Variants in SYNE2 observed in about 807,000 individuals in gnomAD.
SYNE2 encodes the protein nesprin-2.
A neutral mutation model predicts 856.3 loss-of-function variants in SYNE2; 431 were observed. The ratio of observed to expected loss-of-function variants is 0.50; its 90% CI spans 0.47 to 0.55. The LOEUF is 0.55. SYNE2 is among the 20% of genes least tolerant of loss of function. SYNE2 has a pLI of 0.00. For synonymous variants in SYNE2, 2,923 were observed against 2,872.3 expected (o/e 1.02, Z -0.56); for missense variants, 8,129 against 8,023.2 (o/e 1.01, Z -0.50).
chr14:63,798,831 A>T (rs1301241079), intron 1 of SYNE2, among the ~76,000 whole-genome samples: 1 of 152,162 alleles, frequency 6.6e-6, no homozygotes, highest in Non-Finnish European at 1.5e-5. Context: ...CTACTGTCAA[A>T]ACAATTCATG....
At chr14:63,888,503 G>C (rs1030931795) in intron 1 of SYNE2, among the ~76,000 whole-genome samples, 2 of 152,134 alleles carry the variant, frequency 1.3e-5, no homozygotes, top group African/African-American at 4.8e-5. Flanking sequence ...TAGCCTCATA[G>C]TATCACTTGC....
intron 6 of SYNE2, among the ~76,000 whole-genome samples, chr14:63,949,592 G>C (rs1339376292): frequency 6.6e-6 from 1 of 152,124 alleles, no homozygotes; most frequent in Admixed American, 6.5e-5. Context: ...CCTCAATGTG[G>C]GACAGCATGC....
intron 96 of SYNE2, among the ~76,000 whole-genome samples, chr14:64,183,354 G>A (rs1362412986): frequency 1.3e-5 from 2 of 151,182 alleles, no homozygotes; most frequent in African/African-American, 4.9e-5. Flanking sequence ...CATCTCAGAC[G>A]ATGGGCGGCC....
chr14:64,101,371 A>G (rs1434839246), intron 63 of SYNE2, among the ~76,000 whole-genome samples: 5 of 152,134 alleles, frequency 3.3e-5, no homozygotes, highest in Non-Finnish European at 7.3e-5. Context: ...TTCCCTGGTG[A>G]TTAGTGAGGT....
At chr14:63,969,335 ATTTTTTTTTT>A (rs150514197) in intron 11 of SYNE2, among the ~76,000 whole-genome samples, 2 of 81,644 alleles carry the variant, frequency 2.4e-5, no homozygotes, top group South Asian at 4.6e-4. Flanking sequence ...TGCCTGGCTA[ATTTTTTTTTT>A]TTTTTTTTTT....
intron 1 of SYNE2, among the ~76,000 whole-genome samples, chr14:63,888,572 G>A (rs1050929023): frequency 2.0e-5 from 3 of 152,146 alleles, no homozygotes; most frequent in African/African-American, 4.8e-5. Context: ...GACAATGGCC[G>A]GGAATCAAGT....
Position 64,098,092 on chromosome 14 carries a change from A to G in SYNE2, c.12252A>G (p.Pro4084=). Residue 4084 remains proline (P), a synonymous_variant, in exon 62 of 116, where the codon CCA becomes CCG. Transcript: ENST00000555002. Reference sequence around the variant, plus strand: ...AAGGAGTAGAAAGAGATAGGCTGCCAGCTGTAACATCAGAGGAAGGTGGAG... The same window carrying G: ...AAGGAGTAGAAAGAGATAGGCTGCCGGCTGTAACATCAGAGGAAGGTGGAG... ...EQEGVERDRL[P]AVTSEEGGVA... is the part of the protein sequence containing the mutation. 1 of 1,614,204 alleles carries G rather than the reference A, an allele frequency of 6.2e-7. No individual in the cohort carries two copies.
chr14:64,088,996 T>C (rs1447910449), intron 58 of SYNE2, among the ~76,000 whole-genome samples: 1 of 152,218 alleles, frequency 6.6e-6, no homozygotes, highest in African/African-American at 2.4e-5. Context: ...GTCCATGTAA[T>C]TTAACTTTTC....
upstream of SYNE2, among the ~76,000 whole-genome samples, chr14:63,849,731 G>A (rs534211644): frequency 5.9e-5 from 9 of 152,304 alleles, no homozygotes; most frequent in Non-Finnish European, 8.8e-5. Context: ...ACAGGGAGGA[G>A]TTGCTGCCTA....
At chr14:64,174,549 C>T (rs995788077) in intron 94 of SYNE2, among the ~76,000 whole-genome samples, 2 of 152,174 alleles carry the variant, frequency 1.3e-5, no homozygotes, top group Non-Finnish European at 2.9e-5. Flanking sequence ...TTTCCTTTTA[C>T]ATTTGTTTAG....
intron 1 of SYNE2, among the ~76,000 whole-genome samples, chr14:63,870,898 T>G (rs1474553323): frequency 6.6e-6 from 1 of 152,234 alleles, no homozygotes; most frequent in Non-Finnish European, 1.5e-5. Flanking sequence ...GGTTCTGCTC[T>G]AGTCCAGGGG....
At chr14:63,778,593 C>T (rs1887194051) in intron 1 of SYNE2, among the ~76,000 whole-genome samples, 1 of 152,112 alleles carries the variant, frequency 6.6e-6, no homozygotes, top group Non-Finnish European at 1.5e-5. Context: ...TAGCTCACTG[C>T]AGCTTCAACC....
chr14:63,815,205 C>CATATATATATGGATATAT lies in SYNE2; in HGVS notation c.-304-37286_-304-37285insGGATATATATATATATAT, dbSNP rs1316734811. 5.0e-3 allele frequency among the ~76,000 whole-genome samples: 474 copies of CATATATATATGGATATAT among 94,600 alleles called. 54 individuals carry two copies. The highest frequency in any genetic ancestry group is 0.017 in the Middle Eastern group (2 of 120). 62.1% of individuals were successfully genotyped at this position (94,600 alleles called of 152,430 possible). ...CCATATATATATCCATATATATATC[C>CATATATATATGGATATAT]ATATATATATCCATATATATATCCA... is the stretch of plus-strand genomic sequence containing the variant. On this transcript the variant is annotated intron_variant, in intron 1 of 23. Transcript: ENST00000674003.
At chr14:64,223,485 A>G in intron 113 of SYNE2, 105 bp downstream of exon 113, 1 of 1,326,546 alleles carries the variant, frequency 7.5e-7, no homozygotes, top group Non-Finnish European at 1.1e-6. Context: ...AGCAAGGGCC[A>G]GGTGGTCCGA....
At position 64,117,449 on chromosome 14, in the gene SYNE2, A is replaced by C. The variant is rs557967718; in HGVS notation, c.12841-1978A>C. 3.6e-3 allele frequency among the ~76,000 whole-genome samples: 549 copies of C among 152,086 alleles called. 3 individuals are homozygous for C. The highest frequency in any genetic ancestry group is 6.1e-3 in the Non-Finnish European group (414 of 67,980). On this transcript the variant is annotated intron_variant, in intron 66 of 115. Transcript: ENST00000555002. ...GGAATAGCTGGGACTACAGGCGTAC[A>C]CCACCATGCCTGGCTAATTTTATTT...
intron 99 of SYNE2, chr14:64,190,694 C>G: frequency 4.3e-6 from 3 of 689,950 alleles, no homozygotes; most frequent in Non-Finnish European, 7.9e-6. Context: ...GGGCAGGAGT[C>G]TACTCTTAAA....
chr14:64,225,636 GTGC>G lies in SYNE2; in HGVS notation c.*111_*113del. The G allele has an allele frequency of 8.3e-7, 1 of 1,211,878 alleles. No individual in the cohort carries two copies. The highest frequency in any genetic ancestry group is 1.2e-6 in the Non-Finnish European group (1 of 837,144). 75.1% of individuals were successfully genotyped at this position (1,211,878 alleles called of 1,614,324 possible). On this transcript the variant is annotated 3_prime_UTR_variant, in exon 116 of 116. Transcript: ENST00000555002. ...TAGTGTTGGCAAGGTCCCGGGACCT[GTGC>G]AGACTTCTTCTGGGCTTACCCAGCA...
Position 64,215,140 on chromosome 14 carries a change from ATCTT to A in SYNE2, c.19334-142_19334-139del, listed in dbSNP as rs2098660074. 1.1e-5 allele frequency: 9 copies of A among 800,244 alleles called. 1 individual carries two copies. Among genetic ancestry groups the A allele is most frequent in the African/African-American group, 1.7e-5 (1 of 57,552 alleles). 49.6% of individuals were successfully genotyped at this position (800,244 alleles called of 1,614,324 possible). A position where few individuals can be genotyped will look rare whatever the true frequency, so the allele number is the denominator to read the frequency against. On this transcript the variant is annotated intron_variant, in intron 106 of 115. Transcript: ENST00000555002. ...AGTCAGGAGTTGGCTGGAAAAAAAA[ATCTT>A]TCTGGTTTTCAAAATCCTTTTAATT... is the stretch of plus-strand genomic sequence containing the variant.
chr14:63,920,991 T>C (rs576084762), intron 2 of SYNE2, among the ~76,000 whole-genome samples: 1 of 152,222 alleles, frequency 6.6e-6, no homozygotes, highest in East Asian at 1.9e-4. Flanking sequence ...GGCATGCACC[T>C]GTAATCTCAG....
Sources: gnomAD v4.1 joint callset for allele counts (sites outside exome capture counted in the v4.1 genomes callset) on GRCh38, gnomAD v4.1.1 for gene constraint, MANE v1.5 for transcripts, NCBI Gene and HGNC (gene_info 2026-07-23, HGNC 2026-07-21) for gene names.